PSMD6: variants seen among roughly 807,000 people sequenced by gnomAD.
PSMD6 encodes the protein proteasome 26S subunit, non-ATPase 6.
In PSMD6, 7 loss-of-function variants were observed where a neutral mutation model predicts 44.9. The ratio of observed to expected loss-of-function variants is 0.16; its 90% CI spans 0.09 to 0.29. The LOEUF is 0.29. Among genes scored for constraint, PSMD6 ranks in the 10% least tolerant of loss-of-function variants. PSMD6 has a pLI of 1.00. For synonymous variants in PSMD6, 184 were observed against 172.7 expected (o/e 1.07, Z -0.51); for missense variants, 420 against 482.6 (o/e 0.87, Z 1.21).
rs1055199539 is a variant in PSMD6, at chr3:64,019,303, C to A, written c.490G>T (p.Ala164Ser). ...NDLITRNTEKAKSLIEEGGDW... is the reference protein window; with the variant it reads ...NDLITRNTEKSKSLIEEGGDW... ...CCCACCCTTAGAAAGTACCTTTTGG[C>A]CTTTTCTGTGTTTCGTGTGATGAGA... Residue 164 changes from alanine to serine, a missense_variant, in exon 3 of 8, where the codon GCC becomes TCC. Around this residue, in one of 4 missense-constraint regions of PSMD6, gnomAD observed 216 missense variants for 227.0 expected, o/e 0.95. Transcript: ENST00000295901. The A allele has an allele frequency of 1.3e-6, 2 of 1,579,194 alleles. No homozygotes were observed. Among genetic ancestry groups the A allele is most frequent in the South Asian group, 1.1e-5 (1 of 90,048 alleles).
chr3:64,021,226 CCAA>C (rs2076125027), intron 2 of PSMD6, among the ~76,000 whole-genome samples: 1 of 152,086 alleles, frequency 6.6e-6, no homozygotes, highest in East Asian at 1.9e-4. Context: ...ACACATATGT[CCAA>C]CAACAGCTGA....
rs766862244 is a variant in PSMD6 at position 64,013,528 on chromosome 3, A to G, written c.906T>C (p.His302=). The G allele has an allele frequency of 2.5e-6, 4 of 1,613,646 alleles. No homozygotes were observed. The highest frequency in any genetic ancestry group is 2.7e-5 in the African/African-American group (2 of 74,930). The change falls in exon 6 of 8, where the codon CAT becomes CAC. Residue 302 remains histidine, a synonymous_variant. Transcript: ENST00000295901. ...ATGATTCCAGCAGCTGACTGTATGCATGAATTCTCATTTCTCTTACATAGT... is the reference window on the plus strand; with the variant it reads ...ATGATTCCAGCAGCTGACTGTATGCGTGAATTCTCATTTCTCTTACATAGT... The part of the protein sequence containing the change: ...YRYYVREMRI[H]AYSQLLESYR...
At chr3:64,013,317 A>C (rs2075991881) in intron 6 of PSMD6, 122 bp downstream of exon 6, 2 of 1,025,014 alleles carry the variant, frequency 2.0e-6, no homozygotes, top group East Asian at 5.2e-5. Flanking sequence ...TGAGGAAAAA[A>C]ACCTCTCCCC....
At position 64,010,765 on chromosome 3, in the gene PSMD6, C is replaced by CTA. The variant is rs779561861; in HGVS notation, c.1074-3_1074-2dup. On this transcript the variant is annotated splice_acceptor_variant, in intron 7 of 7. Transcript: ENST00000295901. LOFTEE classifies it high-confidence loss of function. ...GTACTGCCAGTTCTTGCTATCAGGT[C>CTA]TATAAATAAATTCAAGAAAAAATGA... 32 of 1,599,754 alleles carry CTA rather than the reference C, an allele frequency of 2.0e-5. No individual in the cohort carries two copies. The highest frequency in any genetic ancestry group is 1.7e-4 in the Middle Eastern group (1 of 6,022).
At chr3:64,014,350 T>C (rs947313587) in intron 5 of PSMD6, 1 of 152,062 alleles carries the variant, frequency 6.6e-6, no homozygotes, top group Non-Finnish European at 1.5e-5. Flanking sequence ...AAAAACTAAA[T>C]TTTCAAAGGG....
chr3:64,011,066 C>G (rs2075934142), intron 6 of PSMD6, 111 bp from the exon 7 acceptor site: 3 of 891,824 alleles, frequency 3.4e-6, no homozygotes, highest in Non-Finnish European at 5.1e-6. Context: ...AGCTTCCCTT[C>G]AAGCTTGTTA....
chr3:64,015,031 G>A (rs527520866), intron 5 of PSMD6: 1 of 152,306 alleles, frequency 6.6e-6, no homozygotes, highest in East Asian at 1.9e-4. Context: ...CAACATCAAG[G>A]CAGATAAAGA....
chr3:64,023,906 C>T, upstream of PSMD6: 2 of 1,347,074 alleles, frequency 1.5e-6, no homozygotes, highest in Non-Finnish European at 2.0e-6. Flanking sequence ...AAATGAGGCA[C>T]AAAGAGGTTA....
chr3:64,023,227 G>A, intron 1 of PSMD6, 48 bp downstream of exon 1: 3 of 1,498,334 alleles, frequency 2.0e-6, no homozygotes, highest in Non-Finnish European at 2.7e-6. Context: ...CGGAACGCGG[G>A]GACGGCCCAG....
chr3:64,022,881 A>T, intron 1 of PSMD6: 1 of 1,508,256 alleles, frequency 6.6e-7, no homozygotes. Flanking sequence ...CAGAAGGGCC[A>T]GAAAGAACCG....
At position 64,019,293 on chromosome 3, in the gene PSMD6, T is replaced by C; in HGVS notation, c.497+3A>G. On this transcript the variant is annotated splice_donor_region_variant and intron_variant, in intron 3 of 7. Transcript: ENST00000295901. The stretch of plus-strand genomic sequence containing the variant: ...AAAATATAATCCCACCCTTAGAAAG[T>C]ACCTTTTGGCCTTTTCTGTGTTTCG... 6.4e-7 allele frequency: 1 copy of C among 1,568,594 alleles called. No individual in the cohort carries two copies. The highest frequency in any genetic ancestry group is 8.8e-7 in the Non-Finnish European group (1 of 1,139,218).
At chr3:64,013,360 A>C in intron 6 of PSMD6, 79 bp downstream of exon 6, 1 of 1,365,156 alleles carries the variant, frequency 7.3e-7, no homozygotes. Context: ...CAATGTAAAC[A>C]AGTAAAAAAT....
At chr3:64,023,106 A>T (rs540979828) in intron 1 of PSMD6, 169 bp downstream of exon 1, 1 of 1,427,414 alleles carries the variant, frequency 7.0e-7, no homozygotes, top group Non-Finnish European at 9.1e-7. Context: ...GAGGTCCCCC[A>T]GGGTATCCCC....
At chr3:64,023,634 C>T, upstream of PSMD6, 1 of 1,427,728 alleles carries the variant, frequency 7.0e-7, no homozygotes, top group Non-Finnish European at 9.1e-7. Flanking sequence ...TTTCCACCCT[C>T]AAGGCCCCCT....
In PSMD6 at chr3:64,023,360, C is replaced by T; in HGVS notation, c.60G>A (p.Ala20=). The change falls in exon 1 of 8, where the codon GCG becomes GCA. Residue 20 remains alanine, a synonymous_variant. Transcript: ENST00000295901. ...GCAGGCTGAGCAGGAAGCGCAGCTG[C>T]GCGATACGCAAGTCGGGGTTCTTGG... is the stretch of plus-strand genomic sequence containing the variant. The part of the protein sequence containing the change: ...GLPKNPDLRI[A]QLRFLLSLPE... 3 of 1,611,690 alleles carry T rather than the reference C, an allele frequency of 1.9e-6. No homozygotes were observed. Among genetic ancestry groups the T allele is most frequent in the Non-Finnish European group, 1.7e-6 (2 of 1,178,886 alleles).
chr3:64,022,839 A>G (rs971819212), intron 1 of PSMD6: 1 of 1,534,194 alleles, frequency 6.5e-7, no homozygotes, highest in Admixed American at 2.0e-5. Flanking sequence ...ACACATACTC[A>G]CATACATATG....
chr3:64,019,907 A>G (rs2076104043), intron 2 of PSMD6: 1 of 152,678 alleles, frequency 6.5e-6, no homozygotes, highest in South Asian at 2.1e-4. Context: ...TTGAATATGA[A>G]TAAAATAATT....
At chr3:64,018,365 A>T in intron 5 of PSMD6, 1 of 358,228 alleles carries the variant, frequency 2.8e-6, no homozygotes. Context: ...TCCTTTTTTA[A>T]ACAACACTTT....
At position 64,011,052 on chromosome 3, in the gene PSMD6, A is replaced by AGGCATTAAAATACTGTC; in HGVS notation, c.996-98_996-97insGACAGTATTTTAATGCC. On this transcript the variant is annotated intron_variant, in intron 6 of 7. Transcript: ENST00000295901. ...ATACTGTCTTAAATTTGTAACAAAC[A>AGGCATTAAAATACTGTC]TTTAGCTTCCCTTCAAGCTTGTTAT... 3 of 1,011,766 alleles carry AGGCATTAAAATACTGTC rather than the reference A, an allele frequency of 3.0e-6. No individual in the cohort carries two copies. In the Admixed American group the frequency reaches 7.4e-5, roughly 25 times the overall value. 62.7% of individuals were successfully genotyped at this position (1,011,766 alleles called of 1,614,324 possible). A position where few individuals can be genotyped will look rare whatever the true frequency, so the allele number is the denominator to read the frequency against.
Sources: allele counts gnomAD v4.1 joint callset (sites outside exome capture counted in the v4.1 genomes callset), GRCh38; gene constraint gnomAD v4.1.1; regional missense constraint gnomAD v4.1.1; transcripts MANE v1.5; gene names NCBI Gene and HGNC (gene_info 2026-07-23, HGNC 2026-07-21).